Variants in PTPRC observed in about 807,000 individuals in gnomAD.
PTPRC encodes protein tyrosine phosphatase receptor type C.
Under a neutral mutation model 155.9 loss-of-function variants are expected in PTPRC, and 44 were observed. The observed-to-expected ratio is 0.28, with a 90% CI of 0.22 to 0.36. The LOEUF is 0.36. Among genes scored for constraint, PTPRC ranks in the 10% least tolerant of loss-of-function variants. The pLI is 1.00. For missense variants in PTPRC, 1,401 were observed against 1,564.6 expected (o/e 0.90, Z 1.76); for synonymous variants, 525 against 533.1 (o/e 0.98, Z 0.21).
At chr1:198,748,473 A>AAAG (rs1655239722) in intron 27 of PTPRC, among the ~76,000 whole-genome samples, 1 of 151,814 alleles carries the variant, frequency 6.6e-6, no homozygotes, top group Admixed American at 6.6e-5. Context: ...AGAAATATAT[A>AAAG]AAGCTGGGAG....
Position 198,704,505 on chromosome 1 carries a change from T to C in PTPRC, c.685+7T>C. 1 of 1,614,070 alleles carries C rather than the reference T, an allele frequency of 6.2e-7. No individual in the cohort carries two copies. Among genetic ancestry groups the C allele is most frequent in the Non-Finnish European group, 8.5e-7 (1 of 1,179,954 alleles). On this transcript the variant is annotated splice_region_variant and intron_variant, in intron 8 of 32. Transcript: ENST00000442510. ...CCATCTAAGCCAACATGTGGTAAGT[T>C]TATTTACTTAGAATCAGCATACCTC...
intron 2 of PTPRC, among the ~76,000 whole-genome samples, chr1:198,685,411 A>G (rs959732919): frequency 4.6e-5 from 7 of 151,922 alleles, no homozygotes; most frequent in Admixed American, 3.9e-4. Flanking sequence ...AGAGGTGTGC[A>G]TAGTGTCTGC....
chr1:198,701,450 G>C (rs1227858479), intron 5 of PTPRC, among the ~76,000 whole-genome samples: 22 of 152,198 alleles, frequency 1.4e-4, no homozygotes, highest in Middle Eastern at 3.4e-3. Flanking sequence ...AACCCAACAA[G>C]CTCTTGAATA....
Position 198,658,908 on chromosome 1 carries a change from G to C in PTPRC, c.73+19567G>C, listed in dbSNP as rs375627736. On this transcript the variant is annotated intron_variant, in intron 2 of 32. Coordinates refer to ENST00000442510, the MANE Select transcript of PTPRC (RefSeq NM_002838.5). ...AAAGAGTGCTTTCATCAAATCATTT[G>C]AGAACGTTAAGTTGAATAACTGATA... is the stretch of plus-strand genomic sequence containing the variant. Among the ~76,000 whole-genome samples the C allele has an allele frequency of 2.3e-4, 35 of 152,078 alleles. No homozygotes were observed. In the South Asian group the frequency reaches 7.1e-3, roughly 31 times the overall value.
chr1:198,754,471 T>TTTTC lies in PTPRC; in HGVS notation c.3645+71_3645+74dup, dbSNP rs1655535015. On this transcript the variant is annotated intron_variant, in intron 32 of 32. Transcript: ENST00000442510. ...TTTTTTTCTTTTTGACGGTTTCCTT[T>TTTTC]TTTCTTTTCTCCTCTCCTTTCCTCT... 12 of 1,560,532 alleles carry TTTTC rather than the reference T, an allele frequency of 7.7e-6. No homozygotes were observed. In the Admixed American group the frequency reaches 1.9e-4, roughly 24 times the overall value.
chr1:198,652,114 G>A (rs1006642251), intron 2 of PTPRC, among the ~76,000 whole-genome samples: 28 of 151,824 alleles, frequency 1.8e-4, no homozygotes, highest in Non-Finnish European at 4.4e-5. Context: ...CGCATCAGGT[G>A]TTTTGGCAGT....
chr1:198,665,638 G>T (rs1664247695), intron 2 of PTPRC, among the ~76,000 whole-genome samples: 1 of 152,154 alleles, frequency 6.6e-6, no homozygotes, highest in Non-Finnish European at 1.5e-5. Context: ...GCAGTTATAT[G>T]TTTCCAAGAA....
intron 15 of PTPRC, among the ~76,000 whole-genome samples, chr1:198,724,429 G>C (rs1654033712): frequency 6.6e-6 from 1 of 151,792 alleles, no homozygotes; most frequent in Admixed American, 6.6e-5. Flanking sequence ...TCCCCCATCA[G>C]TTTTCTGGTT....
intron 2 of PTPRC, among the ~76,000 whole-genome samples, chr1:198,692,074 A>G (rs1392182010): frequency 6.6e-6 from 1 of 152,134 alleles, no homozygotes; most frequent in Non-Finnish European, 1.5e-5. Flanking sequence ...TGCAGGCTTG[A>G]AATTAATCCC....
chr1:198,752,045 G>A (rs546810124), intron 29 of PTPRC, among the ~76,000 whole-genome samples: 11 of 152,062 alleles, frequency 7.2e-5, no homozygotes, highest in African/African-American at 2.6e-4. Flanking sequence ...TCTTACACAA[G>A]GAAACACCAC....
chr1:198,652,201 C>A (rs997938300), intron 2 of PTPRC, among the ~76,000 whole-genome samples: 3 of 151,780 alleles, frequency 2.0e-5, no homozygotes, highest in African/African-American at 7.2e-5. Context: ...CTCTTCCTGT[C>A]GCTGCTTAAT....
chr1:198,654,359 G>C (rs1320838213), intron 2 of PTPRC, among the ~76,000 whole-genome samples: 1 of 151,768 alleles, frequency 6.6e-6, no homozygotes, highest in Non-Finnish European at 1.5e-5. Context: ...AAAAAAATTA[G>C]CTAGTGGATT....
intron 14 of PTPRC, among the ~76,000 whole-genome samples, chr1:198,720,494 T>C (rs1307269620): frequency 6.6e-6 from 1 of 152,016 alleles, no homozygotes; most frequent in Non-Finnish European, 1.5e-5. Context: ...CATGCCTGGC[T>C]AATTTTTGTA....
chr1:198,707,833 T>C (rs1007821415), intron 9 of PTPRC, among the ~76,000 whole-genome samples: 4 of 152,212 alleles, frequency 2.6e-5, no homozygotes, highest in Non-Finnish European at 5.9e-5. Context: ...TGAGTGTTTT[T>C]TAAAATGTGC....
rs570165520 is a variant in PTPRC, at chr1:198,690,750, T to G, written c.74-1597T>G. ...GTACCAGCTAATTCACTTTCCCATC[T>G]GATCTCTGATTCTCTTTAACAACCT... On this transcript the variant is annotated intron_variant, in intron 2 of 32. Coordinates refer to ENST00000442510, the MANE Select transcript of PTPRC (RefSeq NM_002838.5). Among the ~76,000 whole-genome samples, 3 of 152,224 alleles carry G rather than the reference T, an allele frequency of 2.0e-5. No individual in the cohort carries two copies. In the South Asian group the frequency reaches 6.2e-4, roughly 32 times the overall value.
rs1557979011 is a variant in PTPRC at position 198,665,079 on chromosome 1, C to CCTTTTTTTTTTTTTTTTTTTT, written c.73+25738_73+25739insCTTTTTTTTTTTTTTTTTTTT. On this transcript the variant is annotated intron_variant, in intron 2 of 32. Coordinates refer to ENST00000442510, the MANE Select transcript of PTPRC (RefSeq NM_002838.5). Reference sequence around the variant, plus strand: ...GAGTGTTTTTAGAACATCCCGGCAGCATTTTTTTTTTTTTTTTTTTTTTTT... The same window carrying CCTTTTTTTTTTTTTTTTTTTT: ...GAGTGTTTTTAGAACATCCCGGCAGCCTTTTTTTTTTTTTTTTTTTTATTTTTTTTTTTTTTTTTTTTTTTT... Among the ~76,000 whole-genome samples, 5 of 102,244 alleles carry CCTTTTTTTTTTTTTTTTTTTT rather than the reference C, an allele frequency of 4.9e-5. 2 individuals are homozygous for CCTTTTTTTTTTTTTTTTTTTT. Among genetic ancestry groups the CCTTTTTTTTTTTTTTTTTTTT allele is most frequent in the African/African-American group, 1.1e-4 (3 of 28,170 alleles). The allele number at this position is 102,244 out of a possible 152,430, so 67.1% of individuals were successfully genotyped here.
At chr1:198,724,578 C>T (rs1243148058) in intron 15 of PTPRC, among the ~76,000 whole-genome samples, 2 of 151,894 alleles carry the variant, frequency 1.3e-5, no homozygotes, top group Non-Finnish European at 2.9e-5. Flanking sequence ...TTCAGTGTAT[C>T]GACTTGGTAT....
At chr1:198,726,888 A>G (rs1654162888) in intron 15 of PTPRC, among the ~76,000 whole-genome samples, 1 of 135,940 alleles carries the variant, frequency 7.4e-6, no homozygotes, top group Non-Finnish European at 1.6e-5. Flanking sequence ...TTCTTGACAG[A>G]GTCTTGCTCT....
At chr1:198,664,353 C>G (rs1435428054) in intron 2 of PTPRC, among the ~76,000 whole-genome samples, 14 of 152,098 alleles carry the variant, frequency 9.2e-5, no homozygotes, top group Admixed American at 9.2e-4. Flanking sequence ...ATTTCGGTAG[C>G]AAGAAGAGAC....
Sources: allele counts gnomAD v4.1 joint callset (sites outside exome capture counted in the v4.1 genomes callset), GRCh38; gene constraint gnomAD v4.1.1; transcripts MANE v1.5; gene names NCBI Gene and HGNC (gene_info 2026-07-23, HGNC 2026-07-21).